The following TUBGCP3 variants were observed in gnomAD, a reference collection of about 807,000 sequenced individuals.
The protein encoded by TUBGCP3 is tubulin gamma complex component 3.
A neutral mutation model predicts 123.1 loss-of-function variants in TUBGCP3; 50 were observed. The observed-to-expected ratio is 0.41, with a 90% CI of 0.32 to 0.51. TUBGCP3 has a LOEUF of 0.51. Ranked by LOEUF, TUBGCP3 falls within the 20% of genes least tolerant of loss-of-function variation. The pLI is 0.36. For missense variants in TUBGCP3, 882 were observed against 1,127.0 expected (o/e 0.78, Z 3.11); for synonymous variants, 405 against 413.9 (o/e 0.98, Z 0.26).
At chr13:112,500,189 A>C (rs1254318272) in intron 19 of TUBGCP3, among the ~76,000 whole-genome samples, 3 of 152,252 alleles carry the variant, frequency 2.0e-5, no homozygotes, top group Non-Finnish European at 4.4e-5. Flanking sequence ...AGCGGGGGTT[A>C]ATTTCAATAG....
intron 11 of TUBGCP3, among the ~76,000 whole-genome samples, chr13:112,543,965 G>A (rs1367924150): frequency 1.3e-5 from 2 of 152,208 alleles, no homozygotes; most frequent in Non-Finnish European, 2.9e-5. Context: ...AGTCTCACTA[G>A]TAATCAGGGA....
In TUBGCP3 at chr13:112,547,593, C is replaced by T. The variant is rs756075485; in HGVS notation, c.1168+27G>A. 1.2e-5 allele frequency: 17 copies of T among 1,457,198 alleles called. No homozygotes were observed. In the Admixed American group the frequency reaches 1.5e-4, roughly 13 times the overall value. 90.3% of individuals were successfully genotyped at this position (1,457,198 alleles called of 1,614,324 possible). A position where few individuals can be genotyped will look rare whatever the true frequency, so the allele number is the denominator to read the frequency against. On this transcript the variant is annotated intron_variant, in intron 10 of 21. Transcript: ENST00000261965. ...GTGGGAAAGTCGCGCGTGGGAAAGACGTGCGTGGGAAAGACGCGCGTGGGA... is the reference window on the plus strand; with the variant it reads ...GTGGGAAAGTCGCGCGTGGGAAAGATGTGCGTGGGAAAGACGCGCGTGGGA...
chr13:112,569,414 A>C (rs1881229954), intron 1 of TUBGCP3, among the ~76,000 whole-genome samples, 155 bp from the exon 2 acceptor site: 1 of 152,246 alleles, frequency 6.6e-6, no homozygotes, highest in South Asian at 2.1e-4. Flanking sequence ...TAAGATATCA[A>C]AACAGAATGA....
At chr13:112,551,036 T>C (rs1242846565) in intron 8 of TUBGCP3, among the ~76,000 whole-genome samples, 1 of 152,050 alleles carries the variant, frequency 6.6e-6, no homozygotes, top group Non-Finnish European at 1.5e-5. Context: ...GAGGCGGAGC[T>C]TGCAGTGAGC....
chr13:112,514,086 C>T (rs945940180), intron 17 of TUBGCP3, among the ~76,000 whole-genome samples: 2 of 152,232 alleles, frequency 1.3e-5, no homozygotes, highest in Admixed American at 6.5e-5. Context: ...GAGCACAGTA[C>T]GGTGAGATCT....
chr13:112,604,631 T>A, the TUBGCP3 span: 1 of 152,130 alleles, frequency 6.6e-6, no homozygotes, highest in Non-Finnish European at 1.5e-5. Context: ...CAAAAATAAG[T>A]TTTTTCCTGC....
intron 1 of TUBGCP3, chr13:112,584,302 A>T (rs1882463921): frequency 6.6e-6 from 1 of 152,252 alleles, no homozygotes; most frequent in Non-Finnish European, 1.5e-5. Flanking sequence ...CATATTAGAA[A>T]TTTAAGCCAA....
At chr13:112,499,221 C>T (rs1389665215) in intron 19 of TUBGCP3, 36 bp from the exon 20 acceptor site, 8 of 1,558,126 alleles carry the variant, frequency 5.1e-6, no homozygotes, top group Non-Finnish European at 6.9e-6. Flanking sequence ...AATAGAGCCT[C>T]AACCAGCTAA....
intron 17 of TUBGCP3, among the ~76,000 whole-genome samples, chr13:112,513,139 C>A (rs1881782619): frequency 6.6e-6 from 1 of 152,164 alleles, no homozygotes. Context: ...CCACCCCACA[C>A]AAAGGCTGAG....
At chr13:112,525,710 C>T (rs964972486) in intron 13 of TUBGCP3, among the ~76,000 whole-genome samples, 1 of 152,158 alleles carries the variant, frequency 6.6e-6, no homozygotes, top group Non-Finnish European at 1.5e-5. Flanking sequence ...AACGCTCATG[C>T]GACATTCTGA....
intron 17 of TUBGCP3, among the ~76,000 whole-genome samples, chr13:112,510,356 T>C (rs373650526): frequency 6.6e-6 from 1 of 152,202 alleles, no homozygotes; most frequent in Non-Finnish European, 1.5e-5. Flanking sequence ...TTAAAACAAT[T>C]TGTTCACAAT....
At chr13:112,498,904 G>C in intron 20 of TUBGCP3, 141 bp downstream of exon 20, 2 of 1,613,606 alleles carry the variant, frequency 1.2e-6, no homozygotes, top group Non-Finnish European at 8.5e-7. Context: ...GTGATTTCTC[G>C]GGACTTCAAA....
At chr13:112,554,226 C>T (rs1049109161) in intron 7 of TUBGCP3, 44 bp from the exon 8 acceptor site, 13 of 1,601,118 alleles carry the variant, frequency 8.1e-6, no homozygotes, top group Non-Finnish European at 1.0e-5. Context: ...AAAAGCAATA[C>T]TAGAGCTTTA....
At chr13:112,529,764 G>T (rs1171419546) in intron 11 of TUBGCP3, among the ~76,000 whole-genome samples, 2 of 152,172 alleles carry the variant, frequency 1.3e-5, no homozygotes, top group Non-Finnish European at 2.9e-5. Context: ...AAGCCAGAAG[G>T]CCTAAGACTC....
intron 7 of TUBGCP3, 143 bp from the exon 8 acceptor site, chr13:112,554,325 A>G (rs1879844916): frequency 1.0e-6 from 1 of 1,001,788 alleles, no homozygotes; most frequent in Admixed American, 2.9e-5. Flanking sequence ...CCCATCACTA[A>G]AGGGAAGGAA....
intron 8 of TUBGCP3, 138 bp downstream of exon 8, chr13:112,553,919 G>A: frequency 3.0e-6 from 4 of 1,336,364 alleles, no homozygotes; most frequent in Non-Finnish European, 4.1e-6. Flanking sequence ...TGTCTTGAGT[G>A]GACCCTGAAA....
chr13:112,581,696 T>C (rs977015301), intron 1 of TUBGCP3, among the ~76,000 whole-genome samples: 2 of 152,214 alleles, frequency 1.3e-5, no homozygotes, highest in African/African-American at 4.8e-5. Flanking sequence ...TCCTCCCGCC[T>C]TGGCCTCCCA....
At chr13:112,512,883 C>T (rs776706428) in intron 17 of TUBGCP3, among the ~76,000 whole-genome samples, 3 of 152,166 alleles carry the variant, frequency 2.0e-5, no homozygotes, top group Non-Finnish European at 2.9e-5. Flanking sequence ...AAGTTAATGT[C>T]TTAAAAACCA....
At chr13:112,575,902 C>A (rs993555472) in intron 1 of TUBGCP3, among the ~76,000 whole-genome samples, 5 of 152,300 alleles carry the variant, frequency 3.3e-5, no homozygotes, top group Non-Finnish European at 5.9e-5. Flanking sequence ...CGACGCAGCA[C>A]CCCCCAGAGC....
Sources: allele counts gnomAD v4.1 joint callset (sites outside exome capture counted in the v4.1 genomes callset), GRCh38; gene constraint gnomAD v4.1.1; transcripts MANE v1.5; gene names NCBI Gene and HGNC (gene_info 2026-07-23, HGNC 2026-07-21).